Variants in IWS1 observed in about 807,000 individuals in gnomAD.
IWS1 encodes the protein interacts with SUPT6H, CTD assembly factor 1.
In IWS1, 27 loss-of-function variants were observed where a neutral mutation model predicts 86.7. The ratio of observed to expected loss-of-function variants is 0.31; its 90% CI spans 0.23 to 0.43. The LOEUF is 0.43. IWS1 is among the 20% of genes least tolerant of loss of function. The pLI, the probability that IWS1 is intolerant of heterozygous loss-of-function variation, is 1.00. For synonymous variants in IWS1, 313 were observed against 335.1 expected, an observed-to-expected ratio of 0.93 and a Z score of 0.72; for missense variants, 827 against 1,000.8, an observed-to-expected ratio of 0.83 and a Z score of 2.34.
At chr2:127,493,509 T>C (rs1690343076) in intron 8 of IWS1, 99 bp from the exon 9 acceptor site, 3 of 1,104,964 alleles carry the variant, frequency 2.7e-6, no homozygotes, top group Non-Finnish European at 3.7e-6. Context: ...AAACTGCTTT[T>C]AAAGCGTTAC....
chr2:127,508,461 A>C (rs928046983), intron 2 of IWS1, among the ~76,000 whole-genome samples: 1 of 152,246 alleles, frequency 6.6e-6, no homozygotes, highest in Admixed American at 6.5e-5. Context: ...CAATTAAAGC[A>C]GGAGGCAAAA....
chr2:127,492,229 A>G, intron 9 of IWS1, 141 bp from the exon 10 acceptor site: 1 of 617,352 alleles, frequency 1.6e-6, no homozygotes, highest in South Asian at 1.9e-5. Context: ...GAACACAAAG[A>G]TACTTTGTGT....
chr2:127,516,554 G>C (rs1354153389), intron 2 of IWS1, among the ~76,000 whole-genome samples: 1 of 152,170 alleles, frequency 6.6e-6, no homozygotes, highest in Non-Finnish European at 1.5e-5. Flanking sequence ...CTTGAGGTCA[G>C]GAGTTCAAGA....
intron 12 of IWS1, among the ~76,000 whole-genome samples, 167 bp from the exon 13 acceptor site, chr2:127,486,831 C>A (rs948776137): frequency 5.9e-5 from 9 of 152,232 alleles, no homozygotes; most frequent in African/African-American, 2.2e-4. Flanking sequence ...CGCCTCCCAG[C>A]TAGCCTGTCA....
Position 127,504,565 on chromosome 2 carries a change from G to C in IWS1, c.1219+119C>G, listed in dbSNP as rs1691010813. On this transcript the variant is annotated intron_variant, in intron 3 of 13. Coordinates refer to ENST00000295321, the MANE Select transcript of IWS1 (RefSeq NM_017969.3). Reference sequence around the variant, plus strand: ...AAATGAGTGTCCTACTGATATTTTAGAATATTAAGCTGAATAACAGAACAC... The same window carrying C: ...AAATGAGTGTCCTACTGATATTTTACAATATTAAGCTGAATAACAGAACAC... The C allele has an allele frequency of 7.9e-6, 6 of 757,382 alleles. No homozygotes were observed. The Admixed American group carries it at 1.3e-4, about 16-fold the overall frequency. 46.9% of individuals were successfully genotyped at this position (757,382 alleles called of 1,614,324 possible).
chr2:127,522,112 C>A (rs1031468043), intron 2 of IWS1, among the ~76,000 whole-genome samples: 1 of 152,118 alleles, frequency 6.6e-6, no homozygotes, highest in Non-Finnish European at 1.5e-5. Flanking sequence ...AAAGATGAGC[C>A]TTTTCCACAC....
intron 13 of IWS1, 60 bp from the exon 14 acceptor site, chr2:127,481,235 T>C (rs1689606266): frequency 6.8e-7 from 1 of 1,479,304 alleles, no homozygotes; most frequent in Admixed American, 2.4e-5. Context: ...TAGTTATGTC[T>C]TTCATCTTCT....
intron 2 of IWS1, among the ~76,000 whole-genome samples, chr2:127,516,560 C>T (rs2104732442): frequency 6.6e-6 from 1 of 152,146 alleles, no homozygotes; most frequent in East Asian, 1.9e-4. Context: ...GTCAGGAGTT[C>T]AAGACCAGCC....
intron 3 of IWS1, among the ~76,000 whole-genome samples, chr2:127,504,417 A>T (rs1053436888): frequency 1.3e-5 from 2 of 152,170 alleles, no homozygotes; most frequent in Non-Finnish European, 2.9e-5. Flanking sequence ...TTTAAAAAAA[A>T]AAAACAGTAT....
chr2:127,502,772 A>T, intron 5 of IWS1, 43 bp downstream of exon 5: 1 of 1,145,116 alleles, frequency 8.7e-7, no homozygotes, highest in Non-Finnish European at 1.3e-6. Context: ...AAACACCAAA[A>T]AAAAGCACAA....
Position 127,524,657 on chromosome 2 carries a change from C to T in IWS1, c.35-866G>A, listed in dbSNP as rs555095322. On this transcript the variant is annotated intron_variant, in intron 1 of 13. Transcript: ENST00000295321. Reference sequence around the variant, plus strand: ...CGGGTTCAACAAGTGATTCTCCTGCCTCAGCCTCCTGAGTAGCTGGGATTA... The same window carrying T: ...CGGGTTCAACAAGTGATTCTCCTGCTTCAGCCTCCTGAGTAGCTGGGATTA... 2.6e-5 allele frequency among the ~76,000 whole-genome samples: 4 copies of T among 151,842 alleles called. No individual in the cohort carries two copies. The South Asian group carries it at 8.3e-4, about 32-fold the overall frequency.
At chr2:127,487,292 A>G (rs998693004) in intron 12 of IWS1, among the ~76,000 whole-genome samples, 9 of 152,252 alleles carry the variant, frequency 5.9e-5, no homozygotes, top group African/African-American at 2.2e-4. Flanking sequence ...GATACAGTAC[A>G]CTAATCTTAT....
chr2:127,513,237 T>C (rs1691568624), intron 2 of IWS1, among the ~76,000 whole-genome samples: 1 of 150,440 alleles, frequency 6.6e-6, no homozygotes, highest in African/African-American at 2.5e-5. Flanking sequence ...TGAGACTGTG[T>C]CTCAAAAAAA....
rs759006291 is a variant in IWS1, at chr2:127,492,232, C to G, written c.1930-144G>C. On this transcript the variant is annotated intron_variant, in intron 9 of 13. Transcript: ENST00000295321. ...TCTACAGACATAGAACACAAAGATACTTTGTGTCCACATCAAAAGTTCAGA... is the reference window on the plus strand; with the variant it reads ...TCTACAGACATAGAACACAAAGATAGTTTGTGTCCACATCAAAAGTTCAGA... 45 of 611,602 alleles carry G rather than the reference C, an allele frequency of 7.4e-5. No homozygotes were observed. In the Middle Eastern group the frequency reaches 1.1e-3, roughly 15 times the overall value. 37.9% of individuals were successfully genotyped at this position (611,602 alleles called of 1,614,324 possible).
chr2:127,518,815 C>A lies in IWS1; in HGVS notation c.150+4861G>T, dbSNP rs1412879054. 2.0e-5 allele frequency among the ~76,000 whole-genome samples: 3 copies of A among 152,032 alleles called. No individual in the cohort carries two copies. In the South Asian group the frequency reaches 6.2e-4, roughly 31 times the overall value. ...GAACTCTTGACCTCAGGGGATCCAC[C>A]CACCTCGGCCTCCTAAAGTGCTGGG... On this transcript the variant is annotated intron_variant, in intron 2 of 13. Transcript: ENST00000295321.
intron 2 of IWS1, chr2:127,511,418 A>G (rs1356725945): frequency 6.6e-6 from 1 of 152,228 alleles, no homozygotes; most frequent in African/African-American, 2.4e-5. Flanking sequence ...TGAATATTCA[A>G]TAAATGTTAT....
intron 5 of IWS1, among the ~76,000 whole-genome samples, chr2:127,498,996 G>T (rs1690655910): frequency 6.6e-6 from 1 of 151,992 alleles, no homozygotes; most frequent in African/African-American, 2.4e-5. Context: ...TTGAAAATTA[G>T]ATATAGCCCC....
chr2:127,522,539 C>T (rs932289118), intron 2 of IWS1, among the ~76,000 whole-genome samples: 20 of 152,360 alleles, frequency 1.3e-4, no homozygotes, highest in African/African-American at 4.8e-4. Flanking sequence ...AAGTCTGACA[C>T]ATATTAGGTG....
At chr2:127,502,496 G>C (rs1427052920) in intron 5 of IWS1, 1 of 200,444 alleles carries the variant, frequency 5.0e-6, no homozygotes, top group African/African-American at 2.3e-5. Flanking sequence ...AGAGGGGTTA[G>C]TCCAAATCAC....
Sources: allele counts gnomAD v4.1 joint callset (sites outside exome capture counted in the v4.1 genomes callset), GRCh38; gene constraint gnomAD v4.1.1; transcripts MANE v1.5; gene names NCBI Gene and HGNC (gene_info 2026-07-23, HGNC 2026-07-21).